Variants in TCF4 observed in about 807,000 individuals in gnomAD.
TCF4 encodes the protein transcription factor 4.
TCF4 carries 3 observed loss-of-function variants against 82.1 expected under a neutral mutation model. That is an observed-to-expected ratio of 0.04 (90% CI 0.02 to 0.09). The LOEUF is 0.09. Among genes scored for constraint, TCF4 ranks in the 10% least tolerant of loss-of-function variants. The probability of loss-of-function intolerance (pLI) is 1.00; values close to 1 mark genes in which losing one functional copy is unlikely to be tolerated. For missense variants in TCF4, 518 were observed against 852.7 expected (o/e 0.61, Z 4.89); for synonymous variants, 276 against 309.6 (o/e 0.89, Z 1.14).
chr18:55,478,234 TG>T lies in TCF4; in HGVS notation c.146-14098del, dbSNP rs555568530. Among the ~76,000 whole-genome samples the T allele has an allele frequency of 2.2e-3, 340 of 152,254 alleles. 1 individual carries two copies. The highest frequency in any genetic ancestry group is 2.4e-3 in the Non-Finnish European group (166 of 68,004). On this transcript the variant is annotated intron_variant, in intron 3 of 19. Coordinates refer to ENST00000354452, the MANE Select transcript of TCF4 (RefSeq NM_001083962.2). ...AAGATTGCAATGTTACTTTAAGATT[TG>T]TTGTAGGAAAAAGCCGTGCCTGCCA...
rs527616939 is a variant in TCF4 at position 55,468,950 on chromosome 18, C to T, written c.146-4813G>A. 5.5e-5 allele frequency among the ~76,000 whole-genome samples: 8 copies of T among 144,902 alleles called. No homozygotes were observed. The South Asian group carries it at 1.4e-3, about 25-fold the overall frequency. On this transcript the variant is annotated intron_variant, in intron 3 of 19. Transcript: ENST00000354452. ...GAGAATAAAGAGAAAGATATTACCCCGGGCAAAAAGAAAGGAAGAAAGCAA... is the reference window on the plus strand; with the variant it reads ...GAGAATAAAGAGAAAGATATTACCCTGGGCAAAAAGAAAGGAAGAAAGCAA...
At chr18:55,605,435 A>AG (rs2097701366) in intron 2 of TCF4, among the ~76,000 whole-genome samples, 1 of 152,186 alleles carries the variant, frequency 6.6e-6, no homozygotes, top group African/African-American at 2.4e-5. Context: ...GCAGAAATAA[A>AG]GGTCAGTGGG....
intron 6 of TCF4, among the ~76,000 whole-genome samples, chr18:55,385,834 C>T (rs918554058): frequency 5.3e-5 from 8 of 152,304 alleles, no homozygotes; most frequent in African/African-American, 1.9e-4. Flanking sequence ...GCTTGTCCAG[C>T]CCTGCTCAAG....
chr18:55,585,549 G>A (rs2097634640), intron 2 of TCF4, 197 bp from the exon 3 acceptor site: 2 of 651,812 alleles, frequency 3.1e-6, no homozygotes, highest in Admixed American at 3.0e-5. Context: ...TTATCACTCT[G>A]TTCTTTCTTT....
intron 8 of TCF4, among the ~76,000 whole-genome samples, chr18:55,288,246 C>T (rs1454536427): frequency 2.6e-5 from 4 of 152,076 alleles, no homozygotes; most frequent in Non-Finnish European, 5.9e-5. Context: ...GGATCACCAA[C>T]GAGAAAAACA....
intron 3 of TCF4, among the ~76,000 whole-genome samples, chr18:55,541,709 T>C (rs757064438): frequency 2.6e-5 from 4 of 152,006 alleles, no homozygotes; most frequent in Non-Finnish European, 5.9e-5. Flanking sequence ...AATAATGCAG[T>C]TGTGAAATAT....
chr18:55,237,681 T>C (rs575613512), intron 15 of TCF4, among the ~76,000 whole-genome samples: 5 of 152,208 alleles, frequency 3.3e-5, no homozygotes, highest in African/African-American at 1.2e-4. Flanking sequence ...TTCCAGGTCA[T>C]GTGAATGCCC....
At chr18:55,415,637 A>G (rs541530269) in intron 5 of TCF4, among the ~76,000 whole-genome samples, 2 of 152,324 alleles carry the variant, frequency 1.3e-5, no homozygotes, top group South Asian at 2.1e-4. Flanking sequence ...ACATAAGTAC[A>G]CTTTAGTATT....
At position 55,257,311 on chromosome 18, in the gene TCF4, A is replaced by G. The variant is rs2057093409; in HGVS notation, c.1146+4T>C. The G allele has an allele frequency of 1.2e-6, 2 of 1,613,364 alleles. No homozygotes were observed. The highest frequency in any genetic ancestry group is 1.1e-5 in the South Asian group (1 of 91,074). On this transcript the variant is annotated splice_donor_region_variant and intron_variant, in intron 14 of 19. Coordinates refer to ENST00000354452, the MANE Select transcript of TCF4 (RefSeq NM_001083962.2). ...TGGGACAGAGATTAGCAAATGAGAC[A>G]TACCAAAGAGTGTAAGGGTCCTTCA...
intron 3 of TCF4, among the ~76,000 whole-genome samples, chr18:55,571,708 C>A (rs2097470750): frequency 6.7e-6 from 1 of 150,094 alleles, no homozygotes; most frequent in Admixed American, 6.6e-5. Flanking sequence ...GAGGCTATGG[C>A]CAGAGGGGAA....
intron 2 of TCF4, chr18:55,585,970 C>A: frequency 7.6e-7 from 1 of 1,318,264 alleles, no homozygotes; most frequent in South Asian, 1.6e-5. Flanking sequence ...GGATAATGCA[C>A]ACCTTCCCTG....
In TCF4 at chr18:55,270,032, C is replaced by T. The variant is rs1022617702; in HGVS notation, c.790-69G>A. On this transcript the variant is annotated intron_variant, in intron 10 of 19. Transcript: ENST00000354452. ...GTATTTAGTGAGTTATTTTCAAATACTTTTCTCACAACTCTCTATTTTACA... is the reference window on the plus strand; with the variant it reads ...GTATTTAGTGAGTTATTTTCAAATATTTTTCTCACAACTCTCTATTTTACA... 22 of 1,587,716 alleles carry T rather than the reference C, an allele frequency of 1.4e-5. No homozygotes were observed. In the African/African-American group the frequency reaches 2.7e-4, roughly 19 times the overall value.
chr18:55,629,586 CG>C (rs977522612), intron 2 of TCF4, among the ~76,000 whole-genome samples: 3 of 152,070 alleles, frequency 2.0e-5, no homozygotes, highest in Non-Finnish European at 4.4e-5. Context: ...ACTCAGAACC[CG>C]GGTGAGTGAA....
intron 5 of TCF4, among the ~76,000 whole-genome samples, chr18:55,413,859 C>T (rs2094439633): frequency 6.6e-6 from 1 of 152,284 alleles, no homozygotes; most frequent in East Asian, 1.9e-4. Flanking sequence ...CAAAAATTAT[C>T]ATCTGAATAG....
chr18:55,453,607 G>A (rs1386875462), intron 5 of TCF4, among the ~76,000 whole-genome samples: 2 of 152,024 alleles, frequency 1.3e-5, no homozygotes, highest in African/African-American at 4.8e-5. Flanking sequence ...ACTTGGATTA[G>A]TAAACCTAGT....
At chr18:55,388,103 G>A (rs1378782100) in intron 6 of TCF4, among the ~76,000 whole-genome samples, 1 of 152,156 alleles carries the variant, frequency 6.6e-6, no homozygotes, top group Non-Finnish European at 1.5e-5. Context: ...ATAAATAAAA[G>A]CTAAGTCCAC....
chr18:55,269,304 A>G (rs141005848), intron 11 of TCF4: 11 of 158,938 alleles, frequency 6.9e-5, no homozygotes, highest in African/African-American at 2.6e-4. Context: ...GTGAACAAAT[A>G]CTTCTTCCCC....
intron 3 of TCF4, among the ~76,000 whole-genome samples, chr18:55,496,696 A>T (rs1034393010): frequency 2.4e-4 from 37 of 152,212 alleles, no homozygotes; most frequent in African/African-American, 8.7e-4. Context: ...ATTACTGTAC[A>T]ATCTGTCACA....
intron 3 of TCF4, among the ~76,000 whole-genome samples, chr18:55,558,338 T>A (rs562454896): frequency 7.0e-4 from 106 of 152,306 alleles, no homozygotes; most frequent in Non-Finnish European, 2.9e-5. Context: ...TCTGAGTATG[T>A]AGGAAAATCA....
Sources: allele counts gnomAD v4.1 joint callset (sites outside exome capture counted in the v4.1 genomes callset), GRCh38; gene constraint gnomAD v4.1.1; transcripts MANE v1.5; gene names NCBI Gene and HGNC (gene_info 2026-07-23, HGNC 2026-07-21).